Variants in SMKR1 observed in about 807,000 individuals in gnomAD.
SMKR1 encodes small lysine-rich protein 1.
A neutral mutation model predicts 4.0 loss-of-function variants in SMKR1; 4 were observed. That is an observed-to-expected ratio of 1.00 (90% CI 0.49 to 2.30). The LOEUF is 2.30. SMKR1 is among the 30% of genes most tolerant of loss of function. The pLI, the probability that SMKR1 is intolerant of heterozygous loss-of-function variation, is 0.02. For synonymous variants in SMKR1, 38 were observed against 32.5 expected, an observed-to-expected ratio of 1.17 and a Z score of -0.58; for missense variants, 56 against 81.8, an observed-to-expected ratio of 0.68 and a Z score of 1.22.
intron 1 of SMKR1, among the ~76,000 whole-genome samples, chr7:129,503,223 A>G (rs933894941): frequency 6.6e-6 from 1 of 151,778 alleles, no homozygotes; most frequent in Non-Finnish European, 1.5e-5. Context: ...CTGCAGACTC[A>G]GGAAGCAGAG....
intron 1 of SMKR1, among the ~76,000 whole-genome samples, chr7:129,509,323 AAAAG>A (rs1291063141): frequency 6.6e-6 from 1 of 152,172 alleles, no homozygotes; most frequent in East Asian, 1.9e-4. Context: ...CAAAAAATAA[AAAAG>A]AAAGAAAATC....
At chr7:129,507,115 A>G (rs1482476157) in intron 1 of SMKR1, among the ~76,000 whole-genome samples, 1 of 151,328 alleles carries the variant, frequency 6.6e-6, no homozygotes, top group Non-Finnish European at 1.5e-5. Context: ...TCCTGGGTTC[A>G]CACCATTCTC....
In SMKR1 at chr7:129,512,415, A is replaced by G. The variant is rs1799536997; in HGVS notation, c.172A>G (p.Lys58Glu). Residue 58 changes from lysine (K) to glutamate (E), a missense_variant, in exon 2 of 2, where the codon AAA becomes GAA. Coordinates refer to ENST00000462322, the MANE Select transcript of SMKR1 (RefSeq NM_001195243.2). ...AGGCTTCCATTGGCCGGGTGCTCCCAAAGGAAAGAAAGGGAGAAGCAAGTG... is the reference window on the plus strand; with the variant it reads ...AGGCTTCCATTGGCCGGGTGCTCCCGAAGGAAAGAAAGGGAGAAGCAAGTG... ...LRGFHWPGAP[K>E]GKKGRSK 2 of 1,534,658 alleles carry G rather than the reference A, an allele frequency of 1.3e-6. No homozygotes were observed. The highest frequency in any genetic ancestry group is 1.7e-6 in the Non-Finnish European group (2 of 1,146,550).
chr7:129,503,631 C>T (rs745931995), intron 1 of SMKR1, among the ~76,000 whole-genome samples: 14 of 152,206 alleles, frequency 9.2e-5, no homozygotes, highest in Admixed American at 2.6e-4. Context: ...ATCGCTCCTT[C>T]AGCGCCCACA....
At chr7:129,502,967 A>G in intron 1 of SMKR1, 140 bp downstream of exon 1, 1 of 1,271,508 alleles carries the variant, frequency 7.9e-7, no homozygotes, top group South Asian at 1.5e-5. Flanking sequence ...TGGAGGGACA[A>G]GGGGTGCCCG....
intron 1 of SMKR1, among the ~76,000 whole-genome samples, chr7:129,510,356 G>C (rs1799513205): frequency 6.6e-6 from 1 of 152,220 alleles, no homozygotes; most frequent in African/African-American, 2.4e-5. Context: ...TGCATGCTGG[G>C]TAGCCTAACT....
intron 1 of SMKR1, among the ~76,000 whole-genome samples, chr7:129,503,759 A>G (rs1799436417): frequency 6.6e-6 from 1 of 152,148 alleles, no homozygotes; most frequent in African/African-American, 2.4e-5. Context: ...TGTTTCGTGT[A>G]AAAGGATTAA....
chr7:129,504,891 C>G (rs957468422), intron 1 of SMKR1, among the ~76,000 whole-genome samples: 3 of 152,192 alleles, frequency 2.0e-5, no homozygotes, highest in African/African-American at 4.8e-5. Flanking sequence ...TGAGTAAATG[C>G]ATTTGTGATT....
intron 1 of SMKR1, among the ~76,000 whole-genome samples, chr7:129,505,825 G>A (rs552571524): frequency 2.6e-5 from 4 of 152,258 alleles, no homozygotes; most frequent in East Asian, 1.9e-4. Flanking sequence ...AGAGGCTAGC[G>A]TAAAGAGAAG....
At chr7:129,509,142 G>A (rs542220991) in intron 1 of SMKR1, among the ~76,000 whole-genome samples, 35 of 151,916 alleles carry the variant, frequency 2.3e-4, no homozygotes, top group African/African-American at 7.5e-4. Flanking sequence ...GCGAAACCCC[G>A]TCTCTACTAA....
intron 1 of SMKR1, among the ~76,000 whole-genome samples, chr7:129,509,783 C>T (rs183912498): frequency 6.6e-6 from 1 of 152,326 alleles, no homozygotes; most frequent in East Asian, 1.9e-4. Flanking sequence ...TTGTGATCTG[C>T]CCGCCTCAGC....
intron 1 of SMKR1, among the ~76,000 whole-genome samples, chr7:129,506,749 T>C (rs1247722735): frequency 6.6e-6 from 1 of 151,960 alleles, no homozygotes; most frequent in African/African-American, 2.4e-5. Flanking sequence ...ATCCATGTTA[T>C]ATCATTTATC....
In SMKR1 at chr7:129,502,579, G is replaced by A; in HGVS notation, c.-246G>A. 1 of 464,688 alleles carries A rather than the reference G, an allele frequency of 2.2e-6. No homozygotes were observed. Among genetic ancestry groups the A allele is most frequent in the Non-Finnish European group, 3.7e-6 (1 of 270,652 alleles). 28.8% of individuals were successfully genotyped at this position (464,688 alleles called of 1,614,324 possible). A position where few individuals can be genotyped will look rare whatever the true frequency, so the allele number is the denominator to read the frequency against. Reference sequence around the variant, plus strand: ...CTGCGGCGGCCTAGGTGCCGCGTGGGGCAAGCAGGTGCCTCGCGTCCAGGC... The same window carrying A: ...CTGCGGCGGCCTAGGTGCCGCGTGGAGCAAGCAGGTGCCTCGCGTCCAGGC... On this transcript the variant is annotated 5_prime_UTR_variant, in exon 1 of 2. Coordinates refer to ENST00000462322, the MANE Select transcript of SMKR1 (RefSeq NM_001195243.2).
Position 129,502,841 on chromosome 7 carries a change from C to G in SMKR1, c.3+14C>G. 1.3e-6 allele frequency: 2 copies of G among 1,534,980 alleles called. No homozygotes were observed. Among genetic ancestry groups the G allele is most frequent in the Non-Finnish European group, 1.7e-6 (2 of 1,146,562 alleles). Reference sequence around the variant, plus strand: ...AGAATCGCCATGGTAATCCCCGTCTCCCTAAAGTACCCGGGGCCAGGGCGC... The same window carrying G: ...AGAATCGCCATGGTAATCCCCGTCTGCCTAAAGTACCCGGGGCCAGGGCGC... On this transcript the variant is annotated intron_variant, in intron 1 of 1. Transcript: ENST00000462322.
At chr7:129,504,715 AG>A (rs773916670) in intron 1 of SMKR1, among the ~76,000 whole-genome samples, 22 of 152,220 alleles carry the variant, frequency 1.4e-4, no homozygotes, top group Non-Finnish European at 2.9e-4. Flanking sequence ...CACTGAGCCC[AG>A]CTAATTTTTT....
intron 1 of SMKR1, among the ~76,000 whole-genome samples, chr7:129,509,396 G>C (rs531147883): frequency 1.3e-5 from 2 of 152,170 alleles, no homozygotes; most frequent in African/African-American, 2.4e-5. Flanking sequence ...TCATGGGGCT[G>C]TTTTACCAGG....
At position 129,512,598 on chromosome 7, in the gene SMKR1, C is replaced by T. The variant is rs936741199; in HGVS notation, c.*157C>T. ...TGATGGTGGAAGATCAGGAAATGCA[C>T]CTTACTTCCTCTGTTATGCCAGATA... On this transcript the variant is annotated 3_prime_UTR_variant, in exon 2 of 2. Transcript: ENST00000462322. 4 of 777,020 alleles carry T rather than the reference C, an allele frequency of 5.1e-6. No individual in the cohort carries two copies. In the African/African-American group the frequency reaches 5.4e-5, roughly 10 times the overall value. The allele number at this position is 777,020 out of a possible 1,614,324, so 48.1% of individuals were successfully genotyped here. A position where few individuals can be genotyped will look rare whatever the true frequency, so the allele number is the denominator to read the frequency against.
Position 129,511,611 on chromosome 7 carries a change from G to A in SMKR1, c.4-636G>A, listed in dbSNP as rs545598923. ...AAACAAGGGCCACAGCTTGCATTACGTTGGGTCTCTTTTAATCAGGGTGCT... is the reference window on the plus strand; with the variant it reads ...AAACAAGGGCCACAGCTTGCATTACATTGGGTCTCTTTTAATCAGGGTGCT... On this transcript the variant is annotated intron_variant, in intron 1 of 1. Transcript: ENST00000462322. Among the ~76,000 whole-genome samples the A allele has an allele frequency of 2.2e-4, 34 of 152,312 alleles. No individual in the cohort carries two copies. In the East Asian group the frequency reaches 6.4e-3, roughly 29 times the overall value.
chr7:129,509,626 C>A (rs1318955088), intron 1 of SMKR1, among the ~76,000 whole-genome samples: 1 of 152,090 alleles, frequency 6.6e-6, no homozygotes, highest in South Asian at 2.1e-4. Flanking sequence ...CTGCAACCTC[C>A]GTCTTCCGGG....
Sources: allele counts gnomAD v4.1 joint callset (sites outside exome capture counted in the v4.1 genomes callset), GRCh38; gene constraint gnomAD v4.1.1; transcripts MANE v1.5; gene names NCBI Gene and HGNC (gene_info 2026-07-23, HGNC 2026-07-21).